NHERF1: variants seen among roughly 807,000 people sequenced by gnomAD.
NHERF1 encodes NHERF family PDZ scaffold protein 1, also known as Na(+)/H(+) exchange regulatory cofactor NHE-RF1.
the NHERF1 span, among the ~76,000 whole-genome samples, chr17:74,754,851 C>T: frequency 6.6e-6 from 1 of 152,202 alleles, no homozygotes; most frequent in African/African-American, 2.4e-5. Context: ...AGTAAGTGTT[C>T]AATACATGAT....
chr17:74,749,568 G>T, the NHERF1 span, among the ~76,000 whole-genome samples: 1 of 152,208 alleles, frequency 6.6e-6, no homozygotes, highest in Non-Finnish European at 1.5e-5. The surrounding 1 kb of genome is among the most constrained non-coding windows in gnomAD (Gnocchi z 5.6). Flanking sequence ...GGCGGCGCAG[G>T]GGAACCCAGC....
the NHERF1 span, chr17:74,767,073 G>T: frequency 8.8e-7 from 1 of 1,142,252 alleles, no homozygotes; most frequent in Non-Finnish European, 1.3e-6. Context: ...ATCTGACTAA[G>T]GCCAAAACCC....
chr17:74,749,802 C>T, the NHERF1 span, among the ~76,000 whole-genome samples: 2 of 152,318 alleles, frequency 1.3e-5, no homozygotes, highest in South Asian at 4.1e-4. The surrounding 1 kb of genome is among the most constrained non-coding windows in gnomAD (Gnocchi z 5.6). Flanking sequence ...AGGCCCTCTC[C>T]GCAGCCCGCC....
chr17:74,750,419 C>A, the NHERF1 span, among the ~76,000 whole-genome samples: 2 of 152,164 alleles, frequency 1.3e-5, no homozygotes, highest in African/African-American at 2.4e-5. Context: ...GAGGAGCCTC[C>A]TGGACAGAGA....
chr17:74,767,461 A>C, the NHERF1 span, among the ~76,000 whole-genome samples: 20 of 152,176 alleles, frequency 1.3e-4, no homozygotes, highest in Non-Finnish European at 2.4e-4. Flanking sequence ...GCTGGGTGCC[A>C]AGCTGACGCC....
chr17:74,763,534 G>A, the NHERF1 span: 3 of 1,574,112 alleles, frequency 1.9e-6, no homozygotes, highest in South Asian at 2.3e-5. Flanking sequence ...AGCCAGGTGG[G>A]GCCACTGGCC....
the NHERF1 span, among the ~76,000 whole-genome samples, chr17:74,754,691 C>T: frequency 6.6e-6 from 1 of 152,124 alleles, no homozygotes; most frequent in African/African-American, 2.4e-5. Context: ...ATTGGCCAGG[C>T]TGGTTTCAAA....
chr17:74,766,867 C>T, the NHERF1 span: 1 of 1,501,434 alleles, frequency 6.7e-7, no homozygotes, highest in Non-Finnish European at 9.3e-7. Flanking sequence ...CCAAACCCAA[C>T]TCCTACCTCC....
At chr17:74,762,131 G>A in the NHERF1 span, 39 of 1,614,034 alleles carry the variant, frequency 2.4e-5, no homozygotes, top group Middle Eastern at 1.6e-4. The surrounding 1 kb of genome is among the most constrained non-coding windows in gnomAD (Gnocchi z 4.2). Flanking sequence ...CAGACTCCCC[G>A]GCTGAGGCTT....
chr17:74,766,340 G>A, the NHERF1 span, among the ~76,000 whole-genome samples: 1 of 151,976 alleles, frequency 6.6e-6, no homozygotes, highest in South Asian at 2.1e-4. Context: ...AGGATTACAG[G>A]CGTGTGCCAC....
the NHERF1 span, among the ~76,000 whole-genome samples, chr17:74,766,752 T>TA: frequency 2.7e-3 from 409 of 151,376 alleles, 2 homozygotes; most frequent in Non-Finnish European, 4.7e-3. Flanking sequence ...CCCATCTCTA[T>TA]AAAAAAAAAA....
chr17:74,753,388 G>A, the NHERF1 span, among the ~76,000 whole-genome samples: 5 of 152,276 alleles, frequency 3.3e-5, no homozygotes, highest in Admixed American at 6.5e-5. Context: ...CAGGGCGGGC[G>A]GGCCATTTTA....
At chr17:74,749,059 C>A in the NHERF1 span, 1 of 1,596,466 alleles carries the variant, frequency 6.3e-7, no homozygotes, top group Non-Finnish European at 8.5e-7. The surrounding 1 kb of genome is among the most constrained non-coding windows in gnomAD (Gnocchi z 5.6). Context: ...AGAAGGAGAC[C>A]CACCAGCAGG....
chr17:74,760,251 G>A, the NHERF1 span, among the ~76,000 whole-genome samples: 5 of 152,152 alleles, frequency 3.3e-5, no homozygotes, highest in African/African-American at 9.7e-5. This position sits in a 1 kb window ranked among gnomAD's most constrained non-coding sequence, Gnocchi z 4.5. Context: ...GGTGACAGCC[G>A]AACTAGCTGG....
At chr17:74,765,501 G>A in the NHERF1 span, among the ~76,000 whole-genome samples, 537 of 149,246 alleles carry the variant, frequency 3.6e-3, 2 homozygotes, top group African/African-American at 0.013. Context: ...CTTGTGATCC[G>A]CCCACCTCGG....
At chr17:74,763,972 T>C in the NHERF1 span, among the ~76,000 whole-genome samples, 1 of 152,138 alleles carries the variant, frequency 6.6e-6, no homozygotes, top group Non-Finnish European at 1.5e-5. Flanking sequence ...CAGGTTGTCT[T>C]GGAAACTCAG....
the NHERF1 span, among the ~76,000 whole-genome samples, chr17:74,764,905 C>T: frequency 4.3e-4 from 65 of 152,270 alleles, no homozygotes; most frequent in African/African-American, 1.4e-3. This position sits in a 1 kb window ranked among gnomAD's most constrained non-coding sequence, Gnocchi z 4.9. Flanking sequence ...TGTCCTTGCC[C>T]GGGGAAGGCT....
At chr17:74,767,973 G>A in the NHERF1 span, 24 of 717,684 alleles carry the variant, frequency 3.3e-5, no homozygotes, top group Non-Finnish European at 6.2e-5. Context: ...ATCCCCAAAG[G>A]AATGTAAAAA....
chr17:74,748,722 C>T, the NHERF1 span: 7 of 850,968 alleles, frequency 8.2e-6, no homozygotes, highest in Non-Finnish European at 1.2e-5. The surrounding 1 kb of genome is among the most constrained non-coding windows in gnomAD (Gnocchi z 4.3). Flanking sequence ...GCTTGCTTGG[C>T]CCGTCCGGCG....
Sources: allele counts gnomAD v4.1 joint callset (sites outside exome capture counted in the v4.1 genomes callset), GRCh38; gene constraint gnomAD v4.1.1; non-coding constraint Gnocchi (gnomAD v3.1); transcripts MANE v1.5; gene names NCBI Gene and HGNC (gene_info 2026-07-23, HGNC 2026-07-21).